Variants in MCPH1 observed in about 807,000 individuals in gnomAD.
MCPH1 encodes the protein microcephalin 1.
MCPH1 carries 104 observed loss-of-function variants against 84.5 expected under a neutral mutation model. The observed-to-expected ratio is 1.23, with a 90% CI of 1.05 to 1.45. The LOEUF (loss-of-function observed/expected upper bound fraction) is 1.45, where lower values mean the gene tolerates loss of function less well. MCPH1 is among the 40% of genes most tolerant of loss of function. The pLI, the probability that MCPH1 is intolerant of heterozygous loss-of-function variation, is 0.00. For synonymous variants in MCPH1, 514 were observed against 366.8 expected (o/e 1.40, Z -4.58); for missense variants, 1,498 against 1,005.7 (o/e 1.49, Z -6.62).
chr8:6,532,093 A>T (rs576200572), intron 12 of MCPH1, among the ~76,000 whole-genome samples: 1 of 152,318 alleles, frequency 6.6e-6, no homozygotes, highest in East Asian at 1.9e-4. Flanking sequence ...AAAATGACTC[A>T]CATGTCTTCA....
In MCPH1 at chr8:6,480,870, T is replaced by C. The variant is rs755778253; in HGVS notation, c.2130T>C (p.Tyr710=). 6.2e-6 allele frequency: 10 copies of C among 1,613,928 alleles called. No individual in the cohort carries two copies. The highest frequency in any genetic ancestry group is 2.2e-5 in the East Asian group (1 of 44,898). ...CGCGTGGCTGCTGGGTTCTCTCTTATGATTGGGTAAGCCCTGTGTGTGAAC... is the reference window on the plus strand; with the variant it reads ...CGCGTGGCTGCTGGGTTCTCTCTTACGATTGGGTAAGCCCTGTGTGTGAAC... ...GIARGCWVLS[Y]DWVLWSLELG... Residue 710 remains tyrosine, a synonymous_variant, in exon 11 of 14, where the codon TAT becomes TAC. Coordinates refer to ENST00000344683, the MANE Select transcript of MCPH1 (RefSeq NM_024596.5).
At chr8:6,447,113 T>A in intron 8 of MCPH1, 1 of 985,442 alleles carries the variant, frequency 1.0e-6, no homozygotes, top group Non-Finnish European at 1.2e-6. Flanking sequence ...AGACGGGAAG[T>A]CACTGGGTTC....
At chr8:6,631,420 A>G (rs1347369181) in intron 13 of MCPH1, among the ~76,000 whole-genome samples, 1 of 152,212 alleles carries the variant, frequency 6.6e-6, no homozygotes, top group East Asian at 1.9e-4. Context: ...ATATTTGCAA[A>G]TAACGGGTTA....
intron 12 of MCPH1, among the ~76,000 whole-genome samples, chr8:6,556,753 A>G (rs757491929): frequency 1.3e-5 from 2 of 152,074 alleles, no homozygotes. Context: ...AGCTGGGACC[A>G]CAGCTGCGTG....
chr8:6,615,445 G>T (rs1254375450), intron 12 of MCPH1, among the ~76,000 whole-genome samples: 1 of 152,212 alleles, frequency 6.6e-6, no homozygotes, highest in Non-Finnish European at 1.5e-5. Context: ...GAATGTGCAG[G>T]TACTTCTGCA....
rs950664893 is a variant in MCPH1 at position 6,626,030 on chromosome 8, G to A, written c.2452+4339G>A. ...CTCTTCCCCTGGGACTGCAGCATCC[G>A]AGCACCACAGTCCACCCGCCAGCCT... On this transcript the variant is annotated intron_variant, in intron 13 of 13. Coordinates refer to ENST00000344683, the MANE Select transcript of MCPH1 (RefSeq NM_024596.5). 7.1e-6 allele frequency: 7 copies of A among 985,174 alleles called. No individual in the cohort carries two copies. The Admixed American group carries it at 1.8e-4, about 26-fold the overall frequency. The allele number at this position is 985,174 out of a possible 1,614,324, so 61.0% of individuals were successfully genotyped here.
intron 13 of MCPH1, among the ~76,000 whole-genome samples, chr8:6,642,263 C>CT (rs949004158): frequency 3.3e-5 from 5 of 151,156 alleles, no homozygotes; most frequent in African/African-American, 1.2e-4. Flanking sequence ...GATTTCATTC[C>CT]TTTTTTTTTC....
chr8:6,521,883 A>G lies in MCPH1; in HGVS notation c.2214+21954A>G, dbSNP rs535385578. On this transcript the variant is annotated intron_variant, in intron 12 of 13. Coordinates refer to ENST00000344683, the MANE Select transcript of MCPH1 (RefSeq NM_024596.5). The stretch of plus-strand genomic sequence containing the variant: ...AATGATAATAATAGCACTTAATGCT[A>G]TGTGAGAAATACTCCTTCATGGGGA... 2.6e-5 allele frequency among the ~76,000 whole-genome samples: 4 copies of G among 152,326 alleles called. No homozygotes were observed. In the South Asian group the frequency reaches 6.2e-4, roughly 24 times the overall value.
chr8:6,505,504 T>TATATTCTTTAC (rs1563307573), intron 12 of MCPH1, among the ~76,000 whole-genome samples: 16 of 4,502 alleles, frequency 3.6e-3, no homozygotes, highest in African/African-American at 8.4e-3. Flanking sequence ...TTTATATATG[T>TATATTCTTTAC]ATATATAGAA....
chr8:6,616,179 G>C (rs939680422), intron 12 of MCPH1: 6 of 152,186 alleles, frequency 3.9e-5, no homozygotes, highest in Admixed American at 3.3e-4. Context: ...AGCCCTGTAA[G>C]ACACGTCCTG....
chr8:6,549,240 C>A (rs796636577), intron 12 of MCPH1, among the ~76,000 whole-genome samples: 2 of 152,148 alleles, frequency 1.3e-5, no homozygotes, highest in Admixed American at 6.5e-5. Flanking sequence ...ACCATGGGTA[C>A]GTAAATTGTG....
At chr8:6,640,818 C>A (rs1329011916) in intron 13 of MCPH1, among the ~76,000 whole-genome samples, 1 of 152,122 alleles carries the variant, frequency 6.6e-6, no homozygotes, top group Non-Finnish European at 1.5e-5. Context: ...ATATTTAGAC[C>A]TTTAATGCAT....
intron 12 of MCPH1, chr8:6,616,211 G>A (rs1289748734): frequency 2.6e-5 from 4 of 152,196 alleles, no homozygotes; most frequent in African/African-American, 4.8e-5. Flanking sequence ...AGATGGGAAA[G>A]TGCATCTTAA....
chr8:6,408,357 C>G (rs1798037790), intron 1 of MCPH1, among the ~76,000 whole-genome samples: 1 of 152,012 alleles, frequency 6.6e-6, no homozygotes, highest in South Asian at 2.1e-4. Flanking sequence ...CAGGCACTAC[C>G]ACGCCCGGTT....
At chr8:6,442,570 A>T in intron 7 of MCPH1, among the ~76,000 whole-genome samples, 1 of 152,092 alleles carries the variant, frequency 6.6e-6, no homozygotes. Flanking sequence ...TGAGGAGATA[A>T]ATAGAGGATT....
intron 12 of MCPH1, among the ~76,000 whole-genome samples, chr8:6,572,157 A>T (rs1191195229): frequency 6.7e-6 from 1 of 148,366 alleles, no homozygotes; most frequent in Non-Finnish European, 1.5e-5. Context: ...TATTAAACGT[A>T]CCAAGTTCTT....
intron 2 of MCPH1, among the ~76,000 whole-genome samples, chr8:6,413,313 A>G (rs984513282): frequency 4.0e-5 from 6 of 151,730 alleles, no homozygotes; most frequent in Admixed American, 3.3e-4. Context: ...CACCTTGATT[A>G]CCCACTCTTT....
At chr8:6,526,680 A>G (rs1007608168) in intron 12 of MCPH1, among the ~76,000 whole-genome samples, 3 of 152,256 alleles carry the variant, frequency 2.0e-5, no homozygotes, top group Non-Finnish European at 4.4e-5. Context: ...TTATTGAACA[A>G]GAAGTTTATC....
At chr8:6,579,891 C>G (rs552823062) in intron 12 of MCPH1, among the ~76,000 whole-genome samples, 4 of 152,178 alleles carry the variant, frequency 2.6e-5, no homozygotes, top group Non-Finnish European at 5.9e-5. Context: ...ACACTGCCCA[C>G]ACAGAACTGG....
Sources: allele counts gnomAD v4.1 joint callset (sites outside exome capture counted in the v4.1 genomes callset), GRCh38; gene constraint gnomAD v4.1.1; transcripts MANE v1.5; gene names NCBI Gene and HGNC (gene_info 2026-07-23, HGNC 2026-07-21).